CFAP44: variants seen among roughly 807,000 people sequenced by gnomAD.
The protein encoded by CFAP44 is cilia and flagella associated protein 44, also known as cilia- and flagella-associated protein 44.
Under a neutral mutation model 216.2 loss-of-function variants are expected in CFAP44, and 134 were observed. The observed-to-expected ratio is 0.62, with a 90% CI of 0.54 to 0.72. CFAP44 has a LOEUF of 0.72. Among genes scored for constraint, CFAP44 ranks in the 30% least tolerant of loss-of-function variants. CFAP44 has a pLI of 0.00. For missense variants in CFAP44, 2,035 were observed against 2,182.1 expected, an observed-to-expected ratio of 0.93 and a Z score of 1.34; for synonymous variants, 700 against 727.6, an observed-to-expected ratio of 0.96 and a Z score of 0.61.
chr3:113,375,498 G>A (rs1324827530), intron 17 of CFAP44, among the ~76,000 whole-genome samples: 1 of 152,184 alleles, frequency 6.6e-6, no homozygotes, highest in Non-Finnish European at 1.5e-5. Flanking sequence ...TACGGAACAT[G>A]AGAAGGATGT....
chr3:113,370,986 A>T (rs994241539), intron 18 of CFAP44, among the ~76,000 whole-genome samples: 1 of 152,098 alleles, frequency 6.6e-6, no homozygotes, highest in Non-Finnish European at 1.5e-5. Flanking sequence ...CACAATTGGT[A>T]CTAAGAGAAT....
intron 18 of CFAP44, among the ~76,000 whole-genome samples, chr3:113,370,241 T>C (rs540691613): frequency 4.6e-5 from 7 of 152,268 alleles, no homozygotes; most frequent in African/African-American, 1.4e-4. Context: ...GAGGGCAGCA[T>C]CATCCTGAAA....
At chr3:113,338,255 C>CAAAAAAAAAAAAAA (rs10574877) in intron 24 of CFAP44, among the ~76,000 whole-genome samples, 29 of 43,044 alleles carry the variant, frequency 6.7e-4, no homozygotes, top group East Asian at 8.2e-4. Flanking sequence ...GACAATGTCT[C>CAAAAAAAAAAAAAA]AAAAAAAAAA....
At chr3:113,336,760 G>GGCA (rs1950285438) in intron 24 of CFAP44, among the ~76,000 whole-genome samples, 1 of 151,722 alleles carries the variant, frequency 6.6e-6, no homozygotes, top group African/African-American at 2.4e-5. Context: ...GACAGAAATG[G>GGCA]GCAGCATGGA....
chr3:113,401,651 T>A lies in CFAP44; in HGVS notation c.1259A>T (p.Asp420Val), dbSNP rs771808564. 6.2e-7 allele frequency: 1 copy of A among 1,613,628 alleles called. No homozygotes were observed. The highest frequency in any genetic ancestry group is 1.1e-5 in the South Asian group (1 of 91,072). ...EIEPINELQV[D>V]KNVNLFSMIK... Reference sequence around the variant, plus strand: ...CATAGAGAAGAGATTCACATTCTTGTCTACTTGAAGTTCATTAATAGGCTC... The same window carrying A: ...CATAGAGAAGAGATTCACATTCTTGACTACTTGAAGTTCATTAATAGGCTC... The change falls in exon 10 of 35, where the codon GAC becomes GTC. Residue 420 changes from aspartate (D) to valine (V), a missense_variant. Physicochemically the swap from Asp to Val is radical, Grantham distance 152 (BLOSUM62 -3). This residue lies in a region of CFAP44 where 1,883 missense variants were observed against 2,023.7 expected (regional missense o/e 0.93). Transcript: ENST00000393845.
intron 22 of CFAP44, among the ~76,000 whole-genome samples, chr3:113,347,795 T>A (rs527403002): frequency 6.6e-6 from 1 of 152,242 alleles, no homozygotes; most frequent in East Asian, 1.9e-4. Context: ...CAGGGTATGG[T>A]CCTCTACTTC....
At chr3:113,413,735 C>T (rs560518061) in intron 6 of CFAP44, among the ~76,000 whole-genome samples, 1 of 152,096 alleles carries the variant, frequency 6.6e-6, no homozygotes, top group Non-Finnish European at 1.5e-5. Context: ...GTTTTGGTAC[C>T]AGTACCATGC....
intron 32 of CFAP44, among the ~76,000 whole-genome samples, chr3:113,297,173 T>G (rs6806625): frequency 0.034 from 5,104 of 152,128 alleles, 264 homozygotes; most frequent in African/African-American, 0.11. Context: ...CCAACTAGAT[T>G]ATGAGCTTGT....
intron 28 of CFAP44, among the ~76,000 whole-genome samples, chr3:113,322,650 C>T (rs1950155629): frequency 6.6e-6 from 1 of 152,194 alleles, no homozygotes; most frequent in Non-Finnish European, 1.5e-5. Context: ...TAAATTAGTT[C>T]AGCCACTGTG....
intron 15 of CFAP44, 52 bp from the exon 16 acceptor site, chr3:113,381,112 T>G: frequency 7.6e-7 from 1 of 1,310,652 alleles, no homozygotes; most frequent in Non-Finnish European, 1.0e-6. Flanking sequence ...TTTAAAAGCA[T>G]AGTTTAAAGA....
intron 28 of CFAP44, among the ~76,000 whole-genome samples, chr3:113,324,092 C>T (rs1173633636): frequency 2.1e-5 from 3 of 146,052 alleles, no homozygotes; most frequent in Non-Finnish European, 4.5e-5. Context: ...AACCCTATAA[C>T]TATTAAGAAA....
intron 4 of CFAP44, among the ~76,000 whole-genome samples, chr3:113,422,251 T>G (rs1227509335): frequency 1.3e-5 from 2 of 152,222 alleles, no homozygotes; most frequent in African/African-American, 2.4e-5. Flanking sequence ...GAATTTGTAT[T>G]TCTTGAGCCC....
Position 113,294,722 on chromosome 3 carries a change from G to A in CFAP44, c.5338C>T (p.Leu1780Phe), listed in dbSNP as rs762637939. Residue 1780 changes from leucine to phenylalanine, a missense_variant, in exon 34 of 35, where the codon CTT becomes TTT. Leu to Phe is a conservative substitution (Grantham distance 22). Transcript: ENST00000393845. ...TGTAGTGTATTCAACCGAGAATCAA[G>A]TTTCTTCTTTTCAATACACAAATCA... ...MNDLCIEKKK[L>F]DSRLNTLQNQ... 3.3e-6 allele frequency: 5 copies of A among 1,536,022 alleles called. No individual in the cohort carries two copies. The East Asian group carries it at 9.8e-5, about 30-fold the overall frequency.
intron 1 of CFAP44, among the ~76,000 whole-genome samples, chr3:113,435,147 C>G (rs1368688699): frequency 1.3e-5 from 2 of 152,100 alleles, no homozygotes; most frequent in African/African-American, 4.8e-5. Flanking sequence ...TGCTTGAGAC[C>G]AGGAGTTCAA....
Position 113,308,254 on chromosome 3 carries a change from T to C in CFAP44, c.4531A>G (p.Ser1511Gly). Residue 1511 changes from serine to glycine, a missense_variant, in exon 29 of 35, where the codon AGT becomes GGT. Coordinates refer to ENST00000393845, the MANE Select transcript of CFAP44 (RefSeq NM_001164496.2). ...VEGDADEDEE[S>G]EESSEEESSL... is the part of the protein sequence containing the mutation. Reference sequence around the variant, plus strand: ...GATTCTTCTTCACTTGATTCCTCACTCTCCTCATCTTCATCTATGGAAAGA... The same window carrying C: ...GATTCTTCTTCACTTGATTCCTCACCCTCCTCATCTTCATCTATGGAAAGA... The C allele has an allele frequency of 6.5e-7, 1 of 1,535,070 alleles. No homozygotes were observed. The highest frequency in any genetic ancestry group is 1.2e-5 in the South Asian group (1 of 83,428).
intron 22 of CFAP44, among the ~76,000 whole-genome samples, chr3:113,349,863 G>A (rs763573064): frequency 1.2e-4 from 19 of 152,194 alleles, no homozygotes; most frequent in Non-Finnish European, 2.1e-4. Context: ...GTTACCATCC[G>A]AGGAATCCTG....
chr3:113,441,365 A>G, intron 1 of CFAP44, 88 bp downstream of exon 1: 2 of 983,816 alleles, frequency 2.0e-6, no homozygotes, highest in Non-Finnish European at 1.2e-6. Flanking sequence ...CCAGCCTGAG[A>G]GAAGCCCAAG....
chr3:113,320,306 C>T (rs1950130443), intron 28 of CFAP44, among the ~76,000 whole-genome samples: 1 of 151,148 alleles, frequency 6.6e-6, no homozygotes, highest in South Asian at 2.1e-4. Flanking sequence ...AATCAGATCC[C>T]CCAGTGCAGC....
At chr3:113,329,830 T>C (rs1052931862) in intron 26 of CFAP44, among the ~76,000 whole-genome samples, 2 of 152,212 alleles carry the variant, frequency 1.3e-5, no homozygotes, top group East Asian at 3.8e-4. Context: ...CCATTATCTA[T>C]GTTCCATCCA....
Sources: allele counts gnomAD v4.1 joint callset (sites outside exome capture counted in the v4.1 genomes callset), GRCh38; gene constraint gnomAD v4.1.1; regional missense constraint gnomAD v4.1.1; transcripts MANE v1.5; gene names NCBI Gene and HGNC (gene_info 2026-07-23, HGNC 2026-07-21).